The following FER variants were observed in gnomAD, a reference collection of about 807,000 sequenced individuals.
FER encodes tyrosine-protein kinase Fer.
Under a neutral mutation model 111.0 loss-of-function variants are expected in FER, and 63 were observed. That is an observed-to-expected ratio of 0.57 (90% CI 0.46 to 0.70). The LOEUF is 0.70. Among genes scored for constraint, FER ranks in the 30% least tolerant of loss-of-function variants. The probability of loss-of-function intolerance (pLI) is 0.00; values close to 1 mark genes in which losing one functional copy is unlikely to be tolerated. For synonymous variants in FER, 327 were observed against 313.9 expected (o/e 1.04, Z -0.44); for missense variants, 914 against 954.0 (o/e 0.96, Z 0.55).
chr5:108,790,235 CCACACACACACACACACA>C (rs66805209), intron 2 of FER, among the ~76,000 whole-genome samples: 1 of 145,094 alleles, frequency 6.9e-6, no homozygotes, highest in Admixed American at 6.9e-5. Flanking sequence ...TGCATACACA[CCACACACACACACACACA>C]CACACACACA....
chr5:109,078,040 A>T (rs1016004909), intron 16 of FER, among the ~76,000 whole-genome samples: 2 of 152,204 alleles, frequency 1.3e-5, no homozygotes, highest in Non-Finnish European at 2.9e-5. Flanking sequence ...TAGTGTCAGC[A>T]ATCACCAGTA....
At position 108,832,802 on chromosome 5, in the gene FER, A is replaced by G. The variant is rs1180005657; in HGVS notation, c.240A>G (p.Gln80=). The part of the protein sequence containing the change: ...SWLLMIQQTE[Q]LSRIMKTHAE... ...TACTTATGATTCAGCAGACAGAACA[A>G]CTTAGTAGGATAATGAAGACACATG... The change falls in exon 4 of 20, where the codon CAA becomes CAG. Residue 80 remains glutamine, a synonymous_variant. Transcript: ENST00000281092. The G allele has an allele frequency of 6.3e-7, 1 of 1,577,332 alleles. No individual in the cohort carries two copies. The highest frequency in any genetic ancestry group is 1.2e-5 in the South Asian group (1 of 83,628).
chr5:109,059,455 G>A (rs1488547541), intron 16 of FER, among the ~76,000 whole-genome samples: 1 of 152,110 alleles, frequency 6.6e-6, no homozygotes, highest in Non-Finnish European at 1.5e-5. Flanking sequence ...TTGAACCCGG[G>A]AGGCGGAGGT....
chr5:108,788,047 T>A (rs929783398), intron 2 of FER, among the ~76,000 whole-genome samples: 2 of 152,162 alleles, frequency 1.3e-5, no homozygotes, highest in African/African-American at 4.8e-5. Context: ...AGAGAGAAGA[T>A]CTGTGGCCCT....
At chr5:108,968,365 C>T (rs1472713787) in intron 13 of FER, among the ~76,000 whole-genome samples, 1 of 151,878 alleles carries the variant, frequency 6.6e-6, no homozygotes, top group African/African-American at 2.4e-5. Context: ...CTAGCCTGGG[C>T]CACAGAGAGA....
At chr5:108,927,711 A>G (rs1027670564) in intron 10 of FER, among the ~76,000 whole-genome samples, 2 of 152,098 alleles carry the variant, frequency 1.3e-5, no homozygotes, top group Non-Finnish European at 2.9e-5. Context: ...TTATTCATCA[A>G]TGCATGTGCT....
chr5:108,892,481 G>C (rs1167428148), intron 9 of FER, among the ~76,000 whole-genome samples: 1 of 152,142 alleles, frequency 6.6e-6, no homozygotes, highest in Non-Finnish European at 1.5e-5. Context: ...AGAAGTGTCT[G>C]TTCATATCCT....
At chr5:109,173,910 C>A (rs1757417706) in intron 17 of FER, among the ~76,000 whole-genome samples, 1 of 152,096 alleles carries the variant, frequency 6.6e-6, no homozygotes, top group Admixed American at 6.5e-5. Context: ...GGCATTGAAC[C>A]AACCCTGAAC....
intron 10 of FER, among the ~76,000 whole-genome samples, chr5:108,920,973 A>C (rs1752942578): frequency 6.6e-6 from 1 of 152,046 alleles, no homozygotes; most frequent in Admixed American, 6.6e-5. Flanking sequence ...CTTTGGGTAC[A>C]CTAAGTGTCT....
intron 1 of FER, among the ~76,000 whole-genome samples, chr5:108,761,847 G>A (rs930940630): frequency 1.3e-3 from 199 of 152,222 alleles, no homozygotes; most frequent in African/African-American, 4.3e-3. Context: ...TTCACTTTCT[G>A]TTATTGACTC....
chr5:108,814,788 T>C (rs1009230249), intron 3 of FER, among the ~76,000 whole-genome samples: 4 of 152,222 alleles, frequency 2.6e-5, no homozygotes, highest in Non-Finnish European at 5.9e-5. Flanking sequence ...CTAGTTCGAA[T>C]GCCTCTGTTA....
At chr5:108,938,024 T>TCACACACACA (rs1160736106) in intron 10 of FER, among the ~76,000 whole-genome samples, 9 of 77,946 alleles carry the variant, frequency 1.2e-4, no homozygotes, top group African/African-American at 4.2e-4. Flanking sequence ...CCTATCTCTC[T>TCACACACACA]CTCACACACA....
chr5:109,129,696 T>C (rs55953478), intron 17 of FER, among the ~76,000 whole-genome samples: 29,028 of 152,074 alleles, frequency 0.19, 2,933 homozygotes, highest in Non-Finnish European at 0.22. Context: ...TACTCTGATA[T>C]GCTCTAGGCA....
At chr5:109,086,924 CTG>C (rs1170848090) in intron 16 of FER, among the ~76,000 whole-genome samples, 1 of 149,780 alleles carries the variant, frequency 6.7e-6, no homozygotes, top group Admixed American at 6.7e-5. Context: ...GTCATCTTCT[CTG>C]TGTGTCTTCA....
At chr5:109,052,309 G>C (rs1224904136) in intron 16 of FER, 3 of 1,607,334 alleles carry the variant, frequency 1.9e-6, no homozygotes, top group Admixed American at 1.7e-5. Context: ...ACGAAAGGCA[G>C]ACTGCTCATC....
intron 11 of FER, 50 bp downstream of exon 11, chr5:108,946,272 T>G (rs1345875518): frequency 3.3e-6 from 4 of 1,211,030 alleles, no homozygotes; most frequent in Non-Finnish European, 4.9e-6. Flanking sequence ...TTGTCTAGCT[T>G]CTTTCTGATG....
chr5:109,081,154 G>A (rs1276670888), intron 16 of FER, among the ~76,000 whole-genome samples: 1 of 152,004 alleles, frequency 6.6e-6, no homozygotes, highest in African/African-American at 2.4e-5. Flanking sequence ...AGTTGTCTGA[G>A]CTCCTACAAC....
At chr5:108,935,309 A>G (rs1352887642) in intron 10 of FER, among the ~76,000 whole-genome samples, 5 of 152,056 alleles carry the variant, frequency 3.3e-5, no homozygotes, top group African/African-American at 1.2e-4. Flanking sequence ...TGGAGATCCT[A>G]TCATTCCTTG....
chr5:109,046,911 A>G (rs868683174), intron 15 of FER, among the ~76,000 whole-genome samples, 193 bp from the exon 16 acceptor site: 4 of 152,276 alleles, frequency 2.6e-5, no homozygotes, highest in South Asian at 2.1e-4. Flanking sequence ...TCCTGGAACC[A>G]GTCTCCTACA....
Sources: allele counts gnomAD v4.1 joint callset (sites outside exome capture counted in the v4.1 genomes callset), GRCh38; gene constraint gnomAD v4.1.1; transcripts MANE v1.5; gene names NCBI Gene and HGNC (gene_info 2026-07-23, HGNC 2026-07-21).